Variants in DSCAM observed in about 807,000 individuals in gnomAD.
DSCAM encodes cell adhesion molecule DSCAM.
Under a neutral mutation model 217.7 loss-of-function variants are expected in DSCAM, and 47 were observed. That is an observed-to-expected ratio of 0.22 (90% CI 0.17 to 0.28). The LOEUF (loss-of-function observed/expected upper bound fraction) is 0.28, where lower values mean the gene tolerates loss of function less well. DSCAM is among the 10% of genes least tolerant of loss of function. The pLI is 1.00. For missense variants in DSCAM, 2,080 were observed against 2,618.3 expected, an observed-to-expected ratio of 0.79 and a Z score of 4.49; for synonymous variants, 1,056 against 1,015.3, an observed-to-expected ratio of 1.04 and a Z score of -0.76.
chr21:40,288,298 C>T (rs1369838516), intron 10 of DSCAM, among the ~76,000 whole-genome samples: 2 of 152,210 alleles, frequency 1.3e-5, no homozygotes, highest in African/African-American at 2.4e-5. Context: ...CATGAAAGGA[C>T]TATCCATGGT....
chr21:40,642,663 A>T (rs1033926655), intron 3 of DSCAM, among the ~76,000 whole-genome samples: 3 of 152,164 alleles, frequency 2.0e-5, no homozygotes, highest in Admixed American at 6.5e-5. Flanking sequence ...ACTCACTGCA[A>T]CCTTCACCTC....
chr21:40,620,244 GAA>G (rs529579861), intron 3 of DSCAM, among the ~76,000 whole-genome samples: 3,100 of 67,814 alleles, frequency 0.046, 11 homozygotes, highest in Non-Finnish European at 0.067. Flanking sequence ...GAAAGAGAGA[GAA>G]AGAGAGAGAA....
intron 3 of DSCAM, among the ~76,000 whole-genome samples, chr21:40,395,641 T>A (rs1200574939): frequency 6.6e-6 from 1 of 152,294 alleles, no homozygotes; most frequent in South Asian, 2.1e-4. Context: ...GAGACCTTGC[T>A]ATTGGTTTTG....
chr21:40,070,247 A>C (rs2146534385), intron 27 of DSCAM, among the ~76,000 whole-genome samples: 1 of 130,166 alleles, frequency 7.7e-6, no homozygotes, highest in South Asian at 2.8e-4. Flanking sequence ...GAAGGAAGGT[A>C]GGGAAGGAGG....
At chr21:40,841,801 C>T (rs1569063686) in intron 1 of DSCAM, among the ~76,000 whole-genome samples, 1 of 152,250 alleles carries the variant, frequency 6.6e-6, no homozygotes, top group African/African-American at 2.4e-5. Flanking sequence ...CAAATGCACC[C>T]TTCTGCGGGC....
chr21:40,101,998 A>G (rs1183527569), intron 20 of DSCAM, among the ~76,000 whole-genome samples: 1 of 152,170 alleles, frequency 6.6e-6, no homozygotes, highest in Non-Finnish European at 1.5e-5. Context: ...CTGAGTTTCA[A>G]TTAATGGTCA....
chr21:40,207,897 C>T (rs1036402658), intron 11 of DSCAM, among the ~76,000 whole-genome samples: 5 of 152,268 alleles, frequency 3.3e-5, no homozygotes, highest in Admixed American at 2.0e-4. Context: ...TGTGGCTACA[C>T]GCTAACCTCT....
rs774450899 is a variant in DSCAM, at chr21:40,347,703, A to C, written c.1177T>G (p.Ser393Ala). 2 of 1,614,104 alleles carry C rather than the reference A, an allele frequency of 1.2e-6. No homozygotes were observed. Among genetic ancestry groups the C allele is most frequent in the East Asian group, 4.5e-5 (2 of 44,878 alleles). The change falls in exon 6 of 33, where the codon TCC becomes GCC. Residue 393 changes from serine to alanine, a missense_variant. Physicochemically the swap from Ser to Ala is moderately conservative, Grantham distance 99. Coordinates refer to ENST00000400454, the MANE Select transcript of DSCAM (RefSeq NM_001389.5). ...ACCACCTGCACATAGTCTTGAGCGG[A>C]CAGCTTGTCCTTGCGCACAAAGCAC... ...YQCFVRKDKL[S>A]AQDYVQVVLE... is the part of the protein sequence containing the mutation.
intron 3 of DSCAM, among the ~76,000 whole-genome samples, chr21:40,506,098 T>G (rs2076208503): frequency 6.6e-6 from 1 of 152,208 alleles, no homozygotes; most frequent in South Asian, 2.1e-4. Context: ...TGAAGGAACT[T>G]TTTTACTAAC....
intron 25 of DSCAM, among the ~76,000 whole-genome samples, chr21:40,079,612 C>G (rs906266207): frequency 2.0e-5 from 3 of 152,192 alleles, no homozygotes; most frequent in African/African-American, 7.2e-5. Context: ...CCTATGCCCA[C>G]ATAGAGCTGC....
At chr21:40,807,913 T>G (rs1051213244) in intron 1 of DSCAM, among the ~76,000 whole-genome samples, 1 of 152,228 alleles carries the variant, frequency 6.6e-6, no homozygotes, top group African/African-American at 2.4e-5. Context: ...TTTAGCTCCA[T>G]GTTCACTGTG....
intron 14 of DSCAM, among the ~76,000 whole-genome samples, chr21:40,185,581 G>A (rs1297652368): frequency 1.3e-5 from 2 of 152,256 alleles, no homozygotes; most frequent in Non-Finnish European, 2.9e-5. Context: ...TGCGCAGCCA[G>A]TGAGATAAAG....
chr21:40,765,272 T>G (rs1039025261), intron 1 of DSCAM, among the ~76,000 whole-genome samples: 1 of 152,122 alleles, frequency 6.6e-6, no homozygotes, highest in Non-Finnish European at 1.5e-5. Flanking sequence ...CATGCCCAAT[T>G]CCTTGCGCAG....
chr21:40,818,806 G>A (rs1021953525), intron 1 of DSCAM, among the ~76,000 whole-genome samples: 1 of 152,068 alleles, frequency 6.6e-6, no homozygotes, highest in East Asian at 1.9e-4. Context: ...ACTAAATTTA[G>A]ATAATGTCTA....
chr21:40,361,213 C>T (rs2074760891), intron 4 of DSCAM, among the ~76,000 whole-genome samples: 1 of 151,976 alleles, frequency 6.6e-6, no homozygotes, highest in African/African-American at 2.4e-5. Context: ...TAATATGACG[C>T]ATCCCATATA....
chr21:40,350,877 CTTTTTTTTT>C (rs10658416), intron 5 of DSCAM, among the ~76,000 whole-genome samples: 11 of 63,880 alleles, frequency 1.7e-4, no homozygotes, highest in African/African-American at 2.6e-4. Context: ...ATAAGTCATA[CTTTTTTTTT>C]TTTTTTTTTT....
chr21:40,766,691 A>AAAAAAAAAT (rs1555887014), intron 1 of DSCAM, among the ~76,000 whole-genome samples: 1 of 65,872 alleles, frequency 1.5e-5, no homozygotes, highest in African/African-American at 7.3e-5. Flanking sequence ...AAAAAAAACA[A>AAAAAAAAAT]CTTTTTTTTT....
At chr21:40,719,242 A>G (rs2090876247) in intron 1 of DSCAM, among the ~76,000 whole-genome samples, 1 of 152,234 alleles carries the variant, frequency 6.6e-6, no homozygotes, top group Non-Finnish European at 1.5e-5. Flanking sequence ...GAAAAAGTAA[A>G]TTAAAAGTAC....
chr21:40,083,517 T>C (rs993956838), intron 24 of DSCAM, among the ~76,000 whole-genome samples: 4 of 152,240 alleles, frequency 2.6e-5, no homozygotes, highest in African/African-American at 7.2e-5. Flanking sequence ...GTTTTACATC[T>C]ACACTTTAGG....
Sources: allele counts gnomAD v4.1 joint callset (sites outside exome capture counted in the v4.1 genomes callset), GRCh38; gene constraint gnomAD v4.1.1; transcripts MANE v1.5; gene names NCBI Gene and HGNC (gene_info 2026-07-23, HGNC 2026-07-21).